The following MKNK1 variants were observed in gnomAD, a reference collection of about 807,000 sequenced individuals.
The protein encoded by MKNK1 is MAP kinase-interacting serine/threonine-protein kinase 1.
MKNK1 carries 30 observed loss-of-function variants against 49.3 expected under a neutral mutation model. The observed-to-expected ratio is 0.61, with a 90% CI of 0.46 to 0.83. The LOEUF is 0.83. Ranked by LOEUF, MKNK1 falls within the 40% of genes least tolerant of loss-of-function variation. The pLI, the probability that MKNK1 is intolerant of heterozygous loss-of-function variation, is 0.00. For synonymous variants in MKNK1, 176 were observed against 201.7 expected, an observed-to-expected ratio of 0.87 and a Z score of 1.08; for missense variants, 423 against 524.7, an observed-to-expected ratio of 0.81 and a Z score of 1.89.
intron 9 of MKNK1, 150 bp downstream of exon 9, chr1:46,564,891 C>T (rs952171425): frequency 3.0e-5 from 23 of 765,294 alleles, no homozygotes; most frequent in South Asian, 1.9e-4. Flanking sequence ...TTGAGAGCCA[C>T]GAACACAGAG....
rs181395905 is a variant in MKNK1 at position 46,560,252 on chromosome 1, G to T, written c.995C>A (p.Thr332Lys). ...CATTTACCTCTGGAGGACTTGCGGCGTGGGGAGTCCCTTTTCTGGAGCTTG... is the reference window on the plus strand; with the variant it reads ...CATTTACCTCTGGAGGACTTGCGGCTTGGGGAGTCCCTTTTCTGGAGCTTG... ...QGQAPEKGLP[T>K]PQVLQRNSST... The change falls in exon 12 of 13, where the codon ACG (threonine) becomes AAG (lysine). Residue 332 changes from threonine (T) to lysine (K), a missense_variant. Transcript: ENST00000371945. 1.2e-5 allele frequency: 20 copies of T among 1,614,034 alleles called. No individual in the cohort carries two copies. In the Admixed American group the frequency reaches 3.2e-4, roughly 26 times the overall value.
chr1:46,558,809 C>A lies in MKNK1; in HGVS notation c.1014-9G>T. ...CCATTGTGCTGCTGTTCCTGCAGGG[C>A]CAGGGGAAAGCACAGAAAAGAGGGT... On this transcript the variant is annotated splice_polypyrimidine_tract_variant and intron_variant, in intron 12 of 12. Coordinates refer to ENST00000371945, the MANE Select transcript of MKNK1 (RefSeq NM_001135553.4). 1 of 1,610,870 alleles carries A rather than the reference C, an allele frequency of 6.2e-7. No homozygotes were observed.
intron 9 of MKNK1, chr1:46,563,104 C>T: frequency 2.4e-6 from 1 of 418,138 alleles, no homozygotes; most frequent in East Asian, 4.1e-5. Flanking sequence ...GGCAAAGACC[C>T]TTGGCCAAGA....
intron 2 of MKNK1, among the ~76,000 whole-genome samples, chr1:46,585,244 C>T (rs1177567043): frequency 1.4e-4 from 9 of 65,632 alleles, no homozygotes; most frequent in South Asian, 1.2e-3. Flanking sequence ...AGCAAGATTC[C>T]GTCTCAAAAA....
In MKNK1 at chr1:46,594,290, G is replaced by A; in HGVS notation, c.-170-10C>T. The A allele has an allele frequency of 2.8e-6, 2 of 713,704 alleles. No individual in the cohort carries two copies. The highest frequency in any genetic ancestry group is 1.8e-5 in the African/African-American group (1 of 57,006). 44.2% of individuals were successfully genotyped at this position (713,704 alleles called of 1,614,324 possible). A position where few individuals can be genotyped will look rare whatever the true frequency, so the allele number is the denominator to read the frequency against. ...CCTCTGACATGGAAACCTTGAAAAA[G>A]CAGAAATAGAAAGGAAATCAAAATG... On this transcript the variant is annotated splice_polypyrimidine_tract_variant and intron_variant, in intron 1 of 12. Transcript: ENST00000371945.
At position 46,557,888 on chromosome 1, in the gene MKNK1, T is replaced by C. The variant is rs1475815958; in HGVS notation, c.*687A>G. On this transcript the variant is annotated 3_prime_UTR_variant, in exon 13 of 13. Transcript: ENST00000371945. ...AACAGCATGGTTAAAAACACCAAACTTTTTTTTTAAAAAAACGATACTACT... is the reference window on the plus strand; with the variant it reads ...AACAGCATGGTTAAAAACACCAAACCTTTTTTTTAAAAAAACGATACTACT... The C allele has an allele frequency of 6.6e-6, 1 of 151,886 alleles. No individual in the cohort carries two copies. Among genetic ancestry groups the C allele is most frequent in the East Asian group, 1.9e-4 (1 of 5,190 alleles). 9.4% of individuals were successfully genotyped at this position (151,886 alleles called of 1,614,324 possible).
intron 12 of MKNK1, among the ~76,000 whole-genome samples, chr1:46,559,265 T>C (rs1300633660): frequency 6.6e-6 from 1 of 152,210 alleles, no homozygotes; most frequent in Non-Finnish European, 1.5e-5. Flanking sequence ...CTAAGGCGGA[T>C]CTGAGGTTTG....
At chr1:46,579,750 G>C (rs1312127920) in intron 4 of MKNK1, among the ~76,000 whole-genome samples, 1 of 152,214 alleles carries the variant, frequency 6.6e-6, no homozygotes, top group East Asian at 1.9e-4. Context: ...CATGTGGAGA[G>C]GGCAAGTGGA....
chr1:46,588,944 T>G (rs576205182), intron 2 of MKNK1, among the ~76,000 whole-genome samples: 1 of 152,252 alleles, frequency 6.6e-6, no homozygotes, highest in Non-Finnish European at 1.5e-5. Context: ...TTAGCTTCTC[T>G]GAGGATCAGT....
chr1:46,568,398 C>T, intron 8 of MKNK1, 45 bp downstream of exon 8: 2 of 1,596,764 alleles, frequency 1.3e-6, no homozygotes, highest in Non-Finnish European at 8.6e-7. Context: ...GGGTGGCTTC[C>T]TCGGTAAGTA....
rs1217205121 is a variant in MKNK1 at position 46,564,044 on chromosome 1, C to CAAAAAA, written c.609+991_609+996dup. Among the ~76,000 whole-genome samples, 153 of 39,056 alleles carry CAAAAAA rather than the reference C, an allele frequency of 3.9e-3. 19 individuals carry two copies. The highest frequency in any genetic ancestry group is 0.02 in the Middle Eastern group (1 of 50). The allele number at this position is 39,056 out of a possible 152,430, so 25.6% of individuals were successfully genotyped here. A position where few individuals can be genotyped will look rare whatever the true frequency, so the allele number is the denominator to read the frequency against. Reference sequence around the variant, plus strand: ...TGGGCAACAGAGCAAGACTCTGTCTCAAAAAAAAAAAAAAAAAAAAAGGGT... The same window carrying CAAAAAA: ...TGGGCAACAGAGCAAGACTCTGTCTCAAAAAAAAAAAAAAAAAAAAAAAAAAAGGGT... On this transcript the variant is annotated intron_variant, in intron 9 of 12. Transcript: ENST00000371945.
At chr1:46,586,565 A>G (rs1277089407) in intron 2 of MKNK1, among the ~76,000 whole-genome samples, 2 of 152,206 alleles carry the variant, frequency 1.3e-5, no homozygotes, top group African/African-American at 4.8e-5. Flanking sequence ...CATAGCAGCC[A>G]TCAGAAATTG....
chr1:46,559,097 G>C (rs534184109), intron 12 of MKNK1, among the ~76,000 whole-genome samples: 2 of 152,314 alleles, frequency 1.3e-5, no homozygotes, highest in South Asian at 4.1e-4. Context: ...GTCTACCAGA[G>C]GCAGAGACTG....
intron 2 of MKNK1, among the ~76,000 whole-genome samples, chr1:46,587,455 C>T (rs1189129413): frequency 6.6e-6 from 1 of 152,200 alleles, no homozygotes; most frequent in Admixed American, 6.5e-5. Context: ...CTCTTAGAGT[C>T]TCAGTTTCCT....
intron 8 of MKNK1, among the ~76,000 whole-genome samples, chr1:46,567,381 G>A (rs1309423162): frequency 6.6e-6 from 1 of 151,948 alleles, no homozygotes; most frequent in East Asian, 1.9e-4. Flanking sequence ...CAGTTTCCTC[G>A]TCCATAAAAT....
intron 2 of MKNK1, among the ~76,000 whole-genome samples, chr1:46,587,983 C>T (rs189950350): frequency 1.3e-5 from 2 of 152,312 alleles, no homozygotes; most frequent in East Asian, 3.9e-4. Context: ...AAAGTGCCAA[C>T]TACATGGATA....
Position 46,561,631 on chromosome 1 carries a change from A to G in MKNK1, c.816T>C (p.Phe272=). 1 of 1,614,058 alleles carries G rather than the reference A, an allele frequency of 6.2e-7. No homozygotes were observed. Among genetic ancestry groups the G allele is most frequent in the Non-Finnish European group, 8.5e-7 (1 of 1,179,938 alleles). ...EVCRVCQNKL[F]ESIQEGKYEF... ...CATACTTGCCTTCCTGGATGCTTTC[A>G]AACAGCTTGTTCTAGGTACAAAAGA... The change falls in exon 11 of 13, where the codon TTT becomes TTC. Residue 272 remains phenylalanine, a synonymous_variant. Transcript: ENST00000371945.
intron 2 of MKNK1, among the ~76,000 whole-genome samples, chr1:46,591,249 C>T (rs1480637290): frequency 1.3e-5 from 2 of 152,138 alleles, no homozygotes; most frequent in Non-Finnish European, 2.9e-5. Flanking sequence ...GTATTCTTTC[C>T]CCAAGAGTCT....
At chr1:46,595,697 A>C (rs1481213722) in intron 1 of MKNK1, among the ~76,000 whole-genome samples, 1 of 152,172 alleles carries the variant, frequency 6.6e-6, no homozygotes, top group Admixed American at 6.5e-5. Flanking sequence ...CCAGGGCCTA[A>C]GGAAACTCAG....
Sources: gnomAD v4.1 joint callset for allele counts (sites outside exome capture counted in the v4.1 genomes callset) on GRCh38, gnomAD v4.1.1 for gene constraint, MANE v1.5 for transcripts, NCBI Gene and HGNC (gene_info 2026-07-23, HGNC 2026-07-21) for gene names.